FREM1: variants seen among roughly 807,000 people sequenced by gnomAD.
The protein encoded by FREM1 is FRAS1 related extracellular matrix 1.
A neutral mutation model predicts 210.1 loss-of-function variants in FREM1; 220 were observed. The observed-to-expected ratio is 1.05, with a 90% CI of 0.94 to 1.17. FREM1 has a LOEUF of 1.17. Among genes scored for constraint, FREM1 ranks in the 50% most tolerant of loss-of-function variants. The probability of loss-of-function intolerance (pLI) is 0.00; values close to 1 mark genes in which losing one functional copy is unlikely to be tolerated. For synonymous variants in FREM1, 1,189 were observed against 980.2 expected (o/e 1.21, Z -3.98); for missense variants, 3,454 against 2,675.5 (o/e 1.29, Z -6.42).
At chr9:14,755,872 G>C (rs1844250534) in intron 29 of FREM1, among the ~76,000 whole-genome samples, 1 of 152,032 alleles carries the variant, frequency 6.6e-6, no homozygotes. Context: ...CTTGCACCTA[G>C]CAAAATTTTT....
At chr9:14,885,922 A>C (rs1835729374) in intron 1 of FREM1, among the ~76,000 whole-genome samples, 1 of 152,184 alleles carries the variant, frequency 6.6e-6, no homozygotes, top group Admixed American at 6.5e-5. Context: ...TATAGTAGTC[A>C]TGTTGTACAA....
intron 27 of FREM1, 46 bp from the exon 28 acceptor site, chr9:14,759,947 G>C (rs201276684): frequency 6.6e-7 from 1 of 1,505,116 alleles, no homozygotes; most frequent in Non-Finnish European, 9.0e-7. Flanking sequence ...CATAGTATAT[G>C]CCTATAGGGA....
chr9:14,748,261 T>A, intron 31 of FREM1, 140 bp downstream of exon 31: 1 of 615,300 alleles, frequency 1.6e-6, no homozygotes, highest in Non-Finnish European at 2.9e-6. Flanking sequence ...AGGCACTGCA[T>A]AACTGTGCAA....
At chr9:14,738,355 A>G (rs1357711889) in intron 36 of FREM1, among the ~76,000 whole-genome samples, 1 of 112,150 alleles carries the variant, frequency 8.9e-6, no homozygotes, top group African/African-American at 3.2e-5. Flanking sequence ...AGTCCTAGAT[A>G]CATAACATTT....
At chr9:14,875,767 C>T (rs951721419) in intron 1 of FREM1, among the ~76,000 whole-genome samples, 6 of 152,134 alleles carry the variant, frequency 3.9e-5, no homozygotes, top group African/African-American at 1.4e-4. Flanking sequence ...TTTAGAGTTT[C>T]CAGTTTTTCT....
chr9:14,792,486 A>T lies in FREM1; in HGVS notation c.3981+257T>A, dbSNP rs1462517917. The stretch of plus-strand genomic sequence containing the variant: ...AGCAGACAGCTTGGTTTACCCCAGT[A>T]ATTCCCTCCCTCAGAATTTAGGGAT... On this transcript the variant is annotated intron_variant, in intron 22 of 36. Transcript: ENST00000380880. Among the ~76,000 whole-genome samples, 3 of 152,298 alleles carry T rather than the reference A, an allele frequency of 2.0e-5. No individual in the cohort carries two copies. The East Asian group carries it at 5.8e-4, about 29-fold the overall frequency.
intron 10 of FREM1, among the ~76,000 whole-genome samples, chr9:14,834,354 A>G (rs939114161): frequency 5.3e-5 from 8 of 152,170 alleles, no homozygotes; most frequent in Admixed American, 4.6e-4. Flanking sequence ...TAAATTAAGC[A>G]TTGAAATAAA....
Position 14,848,652 on chromosome 9 carries a change from T to C in FREM1, c.1261+13A>G. ...CAGGGCTATGTTGCTCTATGCCTTA[T>C]ATTGAGCTTTACCTGTATTCCAGGA... On this transcript the variant is annotated intron_variant, in intron 7 of 36. Coordinates refer to ENST00000380880, the MANE Select transcript of FREM1 (RefSeq NM_001379081.2). 4 of 1,483,206 alleles carry C rather than the reference T, an allele frequency of 2.7e-6. No homozygotes were observed. Among genetic ancestry groups the C allele is most frequent in the Middle Eastern group, 1.7e-4 (1 of 5,798 alleles). The allele number at this position is 1,483,206 out of a possible 1,614,324, so 91.9% of individuals were successfully genotyped here.
In FREM1 at chr9:14,784,633, A is replaced by T. The variant is rs750576562; in HGVS notation, c.4179T>A (p.Gly1393=). 2 of 1,559,494 alleles carry T rather than the reference A, an allele frequency of 1.3e-6. No individual in the cohort carries two copies. Among genetic ancestry groups the T allele is most frequent in the Admixed American group, 1.8e-5 (1 of 54,254 alleles). The change falls in exon 24 of 37, where the codon GGT becomes GGA. Residue 1393 remains glycine, a splice_region_variant and synonymous_variant. Coordinates refer to ENST00000380880, the MANE Select transcript of FREM1 (RefSeq NM_001379081.2). ...GTGGTTTTGTAAGGATGACAATATC[A>T]CCTACATGACATAAGAGGTTATGGT... ...CQITIKDMEK[G]DIVILTKPLV...
intron 1 of FREM1, among the ~76,000 whole-genome samples, chr9:14,877,128 A>G (rs1833904497): frequency 6.6e-6 from 1 of 151,894 alleles, no homozygotes; most frequent in Admixed American, 6.6e-5. Context: ...GTCCAGTTGT[A>G]GGACCTGTTT....
rs771144061 is a variant in FREM1, at chr9:14,801,805, C to A, written c.3541G>T (p.Asp1181Tyr). 1 of 1,613,948 alleles carries A rather than the reference C, an allele frequency of 6.2e-7. No homozygotes were observed. The highest frequency in any genetic ancestry group is 8.5e-7 in the Non-Finnish European group (1 of 1,179,894). Residue 1181 changes from aspartate (D) to tyrosine (Y), a missense_variant, in exon 20 of 37, where the codon GAT becomes TAT. Coordinates refer to ENST00000380880, the MANE Select transcript of FREM1 (RefSeq NM_001379081.2). The part of the protein sequence containing the change: ...ISAVDLDIPQ[D>Y]ALLFSITQKP... Reference sequence around the variant, plus strand: ...TGAGTGATGCTGAACAGCAGGGCATCCTGGGGAATGTCCAGGTCCACAGCG... The same window carrying A: ...TGAGTGATGCTGAACAGCAGGGCATACTGGGGAATGTCCAGGTCCACAGCG...
intron 1 of FREM1, among the ~76,000 whole-genome samples, chr9:14,890,660 C>T (rs1474845208): frequency 1.3e-5 from 2 of 152,114 alleles, no homozygotes; most frequent in South Asian, 2.1e-4. Context: ...TGGCCATGCC[C>T]GATAAATCTA....
intron 1 of FREM1, among the ~76,000 whole-genome samples, chr9:14,878,098 A>G (rs1401519625): frequency 1.3e-5 from 2 of 152,114 alleles, no homozygotes; most frequent in Admixed American, 6.5e-5. Context: ...CACAGTCAGT[A>G]TTTTGATTAA....
intron 31 of FREM1, among the ~76,000 whole-genome samples, 167 bp from the exon 32 acceptor site, chr9:14,747,895 C>T (rs565918778): frequency 1.3e-5 from 2 of 152,172 alleles, no homozygotes. Flanking sequence ...ATCACTAGGC[C>T]TAATCAGAAT....
intron 1 of FREM1, among the ~76,000 whole-genome samples, chr9:14,905,626 C>T (rs182681410): frequency 2.6e-5 from 4 of 152,316 alleles, no homozygotes; most frequent in Non-Finnish European, 5.9e-5. Context: ...CAGTGGCTCA[C>T]GCCTATAACC....
Position 14,797,445 on chromosome 9 carries a change from G to C in FREM1, c.3839+53C>G, listed in dbSNP as rs142936811. ...ACACACACCTGTACCTAGTATTGTA[G>C]ATTTCATAGAATTGTATAGAAATCT... On this transcript the variant is annotated intron_variant, in intron 21 of 36. Coordinates refer to ENST00000380880, the MANE Select transcript of FREM1 (RefSeq NM_001379081.2). 1.1e-5 allele frequency: 17 copies of C among 1,486,082 alleles called. No individual in the cohort carries two copies. The African/African-American group carries it at 2.4e-4, about 21-fold the overall frequency. The allele number at this position is 1,486,082 out of a possible 1,614,324, so 92.1% of individuals were successfully genotyped here.
At chr9:14,867,039 T>A (rs920092789) in intron 2 of FREM1, among the ~76,000 whole-genome samples, 1 of 152,122 alleles carries the variant, frequency 6.6e-6, no homozygotes, top group East Asian at 1.9e-4. Flanking sequence ...TTTGTATTTT[T>A]AGTAGAGATG....
chr9:14,769,899 T>C (rs1177430029), intron 26 of FREM1, 31 bp from the exon 27 acceptor site: 1 of 1,128,042 alleles, frequency 8.9e-7, no homozygotes, highest in Non-Finnish European at 1.3e-6. Context: ...ATATCATGGG[T>C]AATCAAACAA....
At chr9:14,866,308 C>G (rs556127221) in intron 2 of FREM1, among the ~76,000 whole-genome samples, 2 of 152,310 alleles carry the variant, frequency 1.3e-5, no homozygotes, top group Admixed American at 1.3e-4. Flanking sequence ...GTTCTAGTCA[C>G]TTGGATCCCT....
Sources: allele counts gnomAD v4.1 joint callset (sites outside exome capture counted in the v4.1 genomes callset), GRCh38; gene constraint gnomAD v4.1.1; transcripts MANE v1.5; gene names NCBI Gene and HGNC (gene_info 2026-07-23, HGNC 2026-07-21).